Variants in MDGA2 observed in about 807,000 individuals in gnomAD.
The protein encoded by MDGA2 is MAM domain-containing glycosylphosphatidylinositol anchor protein 2.
In MDGA2, 40 loss-of-function variants were observed where a neutral mutation model predicts 117.8. The ratio of observed to expected loss-of-function variants is 0.34; its 90% confidence interval spans 0.26 to 0.44. MDGA2 has a LOEUF of 0.44. MDGA2 is among the 20% of genes least tolerant of loss of function. MDGA2 has a pLI of 1.00. For synonymous variants in MDGA2, 452 were observed against 439.0 expected (o/e 1.03, Z -0.37); for missense variants, 1,123 against 1,250.6 (o/e 0.90, Z 1.54).
At chr14:47,648,180 T>A (rs980923926) in intron 1 of MDGA2, among the ~76,000 whole-genome samples, 5 of 152,176 alleles carry the variant, frequency 3.3e-5, no homozygotes, top group Admixed American at 6.6e-5. Flanking sequence ...GAATACAGAT[T>A]GTCAAGTGAG....
At chr14:47,409,804 T>C (rs1393404622) in intron 1 of MDGA2, among the ~76,000 whole-genome samples, 3 of 152,162 alleles carry the variant, frequency 2.0e-5, no homozygotes, top group Non-Finnish European at 2.9e-5. Flanking sequence ...ATTTGTAATA[T>C]TGCTTCTTGG....
intron 1 of MDGA2, among the ~76,000 whole-genome samples, chr14:47,656,922 C>T (rs7140902): frequency 0.99 from 150,506 of 152,256 alleles, 74,423 homozygotes; most frequent in East Asian, 1. Flanking sequence ...GTCACGGAAT[C>T]GATGCATGTA....
intron 8 of MDGA2, among the ~76,000 whole-genome samples, chr14:47,018,734 A>G (rs1042960090): frequency 2.5e-5 from 1 of 40,268 alleles, no homozygotes; most frequent in African/African-American, 9.1e-5. Flanking sequence ...CATTTTACTG[A>G]AAAAAAAAAA....
chr14:47,382,520 C>T (rs1891659925), intron 1 of MDGA2, among the ~76,000 whole-genome samples: 1 of 152,124 alleles, frequency 6.6e-6, no homozygotes, highest in Non-Finnish European at 1.5e-5. Flanking sequence ...AAAAATCAAA[C>T]AAACCCATCA....
chr14:47,669,088 G>C (rs1329440227), intron 1 of MDGA2, among the ~76,000 whole-genome samples: 1 of 152,118 alleles, frequency 6.6e-6, no homozygotes, highest in Non-Finnish European at 1.5e-5. Context: ...CCATCCCCAT[G>C]AGTCCTACTG....
chr14:47,662,987 CT>C (rs1489975948), intron 1 of MDGA2, among the ~76,000 whole-genome samples: 2 of 152,194 alleles, frequency 1.3e-5, no homozygotes, highest in African/African-American at 4.8e-5. Context: ...TACAGCATCT[CT>C]GTTGTACAGG....
Position 47,656,963 on chromosome 14 carries a change from T to G in MDGA2, c.280+17554A>C, listed in dbSNP as rs559034207. Among the ~76,000 whole-genome samples, 7 of 152,294 alleles carry G rather than the reference T, an allele frequency of 4.6e-5. No individual in the cohort carries two copies. The South Asian group carries it at 1.5e-3, about 32-fold the overall frequency. On this transcript the variant is annotated intron_variant, in intron 1 of 16. Coordinates refer to ENST00000399232, the MANE Select transcript of MDGA2 (RefSeq NM_001113498.3). The stretch of plus-strand genomic sequence containing the variant: ...CAAGGCAAAATTCAAAGCGATCCTT[T>G]GTACCTTTTCAGGATACTTACTCTT...
intron 8 of MDGA2, among the ~76,000 whole-genome samples, chr14:46,998,048 T>C (rs2138467390): frequency 6.6e-6 from 1 of 152,156 alleles, no homozygotes; most frequent in East Asian, 1.9e-4. Flanking sequence ...GAGTCAGACA[T>C]TTAGACAAAG....
chr14:47,510,550 TA>T (rs909442141), intron 1 of MDGA2, among the ~76,000 whole-genome samples: 8 of 152,082 alleles, frequency 5.3e-5, no homozygotes, highest in African/African-American at 7.2e-5. Context: ...CTCAATGTCT[TA>T]AAAAAAATCT....
intron 1 of MDGA2, among the ~76,000 whole-genome samples, chr14:47,418,349 A>ATGC (rs1259020528): frequency 6.6e-6 from 1 of 151,994 alleles, no homozygotes; most frequent in African/African-American, 2.4e-5. Context: ...GCCTCCCAAA[A>ATGC]TGCTGGGATT....
intron 1 of MDGA2, among the ~76,000 whole-genome samples, chr14:47,619,148 C>CACACACACACAG: frequency 6.7e-6 from 1 of 148,792 alleles, no homozygotes; most frequent in African/African-American, 2.5e-5. Flanking sequence ...CACACACACA[C>CACACACACACAG]ACAGATACAT....
chr14:47,106,138 G>C (rs1408371673), intron 5 of MDGA2, among the ~76,000 whole-genome samples: 1 of 151,972 alleles, frequency 6.6e-6, no homozygotes, highest in African/African-American at 2.4e-5. Context: ...TGGCTCATTT[G>C]GCAGCAACCC....
intron 8 of MDGA2, among the ~76,000 whole-genome samples, chr14:47,033,251 A>G (rs776536945): frequency 6.6e-6 from 1 of 152,204 alleles, no homozygotes; most frequent in Admixed American, 6.5e-5. Context: ...AGAATATTCT[A>G]TGGAGAACAG....
At position 47,166,620 on chromosome 14, in the gene MDGA2, A is replaced by G. The variant is rs148892600; in HGVS notation, c.596-22346T>C. On this transcript the variant is annotated intron_variant, in intron 3 of 16. Transcript: ENST00000399232. Reference sequence around the variant, plus strand: ...CTTTAGAATAGTCCTCAAAAGAGATACAACCAAGAGAGAACTTTATCTCCA... The same window carrying G: ...CTTTAGAATAGTCCTCAAAAGAGATGCAACCAAGAGAGAACTTTATCTCCA... Among the ~76,000 whole-genome samples, 6 of 152,332 alleles carry G rather than the reference A, an allele frequency of 3.9e-5. No homozygotes were observed. The East Asian group carries it at 1.2e-3, about 29-fold the overall frequency.
At chr14:47,237,671 T>C (rs1477584658) in intron 2 of MDGA2, among the ~76,000 whole-genome samples, 1 of 152,192 alleles carries the variant, frequency 6.6e-6, no homozygotes, top group African/African-American at 2.4e-5. Context: ...TCCATGTATA[T>C]GGCATGCACC....
intron 1 of MDGA2, among the ~76,000 whole-genome samples, chr14:47,489,262 G>C (rs1051320289): frequency 7.2e-5 from 11 of 151,998 alleles, no homozygotes; most frequent in African/African-American, 2.4e-4. Context: ...CATTTTAAAT[G>C]TTTTTCTCTC....
rs118070645 is a variant in MDGA2, at chr14:47,357,062, T to C, written c.281-55512A>G. On this transcript the variant is annotated intron_variant, in intron 1 of 16. Transcript: ENST00000399232. ...CCTTATCTTCTCAGTGTTATGAGAC[T>C]ACTTCTCCCCTTTGGGGTCCCTAAT... 6.9e-4 allele frequency among the ~76,000 whole-genome samples: 105 copies of C among 152,358 alleles called. No individual in the cohort carries two copies. The East Asian group carries it at 0.019, about 28-fold the overall frequency.
chr14:46,895,750 A>C (rs1210207973), intron 10 of MDGA2, among the ~76,000 whole-genome samples: 2 of 151,890 alleles, frequency 1.3e-5, no homozygotes, highest in African/African-American at 4.8e-5. Flanking sequence ...AAAAAGAATA[A>C]CTAGGTATAT....
At chr14:47,176,988 G>A (rs920756578) in intron 3 of MDGA2, among the ~76,000 whole-genome samples, 40 of 151,986 alleles carry the variant, frequency 2.6e-4, no homozygotes, top group South Asian at 6.2e-4. Flanking sequence ...AAAAGTGGGC[G>A]AAGGACATGA....
Sources: allele counts gnomAD v4.1 joint callset (sites outside exome capture counted in the v4.1 genomes callset), GRCh38; gene constraint gnomAD v4.1.1; transcripts MANE v1.5; gene names NCBI Gene and HGNC (gene_info 2026-07-23, HGNC 2026-07-21).